The following FRMD3 variants were observed in gnomAD, a reference collection of about 807,000 sequenced individuals.
The protein encoded by FRMD3 is FERM domain-containing protein 3.
In FRMD3, 33 loss-of-function variants were observed where a neutral mutation model predicts 70.2. That is an observed-to-expected ratio of 0.47 (90% CI 0.36 to 0.63). FRMD3 has a LOEUF of 0.63. Among genes scored for constraint, FRMD3 ranks in the 20% least tolerant of loss-of-function variants. FRMD3 has a pLI of 0.00. For synonymous variants in FRMD3, 279 were observed against 255.9 expected (o/e 1.09, Z -0.86); for missense variants, 632 against 711.4 (o/e 0.89, Z 1.27).
intron 12 of FRMD3, among the ~76,000 whole-genome samples, chr9:83,297,189 T>C (rs1044631395): frequency 4.6e-5 from 7 of 152,232 alleles, no homozygotes; most frequent in Non-Finnish European, 1.0e-4. Flanking sequence ...AAAAAAAGTG[T>C]CCTGCTTTGT....
Position 83,538,064 on chromosome 9 carries a change from C to T in FRMD3, c.147+21G>A. 2 of 1,609,942 alleles carry T rather than the reference C, an allele frequency of 1.2e-6. No individual in the cohort carries two copies. The highest frequency in any genetic ancestry group is 1.7e-6 in the Non-Finnish European group (2 of 1,177,232). The stretch of plus-strand genomic sequence containing the variant: ...CTGCTCCCGGCGTGTGCCCCGCGCC[C>T]TCGCCCGGTTCCACGCGCACCTGGA... On this transcript the variant is annotated intron_variant, in intron 1 of 13. Coordinates refer to ENST00000304195, the MANE Select transcript of FRMD3 (RefSeq NM_174938.6). This position sits in a 1 kb window ranked among gnomAD's most constrained non-coding sequence, Gnocchi z 4.7.
Position 83,245,877 on chromosome 9 carries a change from AAAAT to A in FRMD3, c.*2037_*2040del. 2.0e-6 allele frequency: 2 copies of A among 984,960 alleles called. No individual in the cohort carries two copies. Among genetic ancestry groups the A allele is most frequent in the Non-Finnish European group, 1.2e-6 (1 of 829,510 alleles). The allele number at this position is 984,960 out of a possible 1,614,324, so 61.0% of individuals were successfully genotyped here. On this transcript the variant is annotated 3_prime_UTR_variant, in exon 14 of 14. Coordinates refer to ENST00000304195, the MANE Select transcript of FRMD3 (RefSeq NM_174938.6). Reference sequence around the variant, plus strand: ...CAAACCTAGCCATCTGCAAGCTTCCAAAATAAATTGTTGAGGATTCCAATCACAG... The same window carrying A: ...CAAACCTAGCCATCTGCAAGCTTCCAAAATTGTTGAGGATTCCAATCACAG...
chr9:83,455,579 C>A (rs1827795933), intron 1 of FRMD3, among the ~76,000 whole-genome samples: 1 of 152,080 alleles, frequency 6.6e-6, no homozygotes, highest in Non-Finnish European at 1.5e-5. Flanking sequence ...ACTATAAGCC[C>A]AATTAAACCT....
intron 1 of FRMD3, among the ~76,000 whole-genome samples, chr9:83,417,195 A>G (rs1826483170): frequency 6.6e-6 from 1 of 152,238 alleles, no homozygotes; most frequent in South Asian, 2.1e-4. Flanking sequence ...ACAGTAGGAT[A>G]TACATTTTAC....
chr9:83,341,777 G>A (rs1823766290), intron 5 of FRMD3, among the ~76,000 whole-genome samples: 1 of 152,098 alleles, frequency 6.6e-6, no homozygotes, highest in South Asian at 2.1e-4. Context: ...CCAGGGAAGG[G>A]GGTGAAGAAC....
intron 3 of FRMD3, 131 bp downstream of exon 3, chr9:83,372,780 GGA>G: frequency 1.3e-6 from 1 of 778,328 alleles, no homozygotes; most frequent in Non-Finnish European, 2.2e-6. Flanking sequence ...GCTCTCCTGG[GGA>G]GAGAGAAGCC....
At chr9:83,513,914 G>A (rs547025416) in intron 1 of FRMD3, among the ~76,000 whole-genome samples, 1 of 152,316 alleles carries the variant, frequency 6.6e-6, no homozygotes, top group South Asian at 2.1e-4. Flanking sequence ...GTGCCTTGAA[G>A]AATGGTGCAT....
intron 1 of FRMD3, among the ~76,000 whole-genome samples, chr9:83,502,295 G>A (rs1161705728): frequency 6.6e-6 from 1 of 152,190 alleles, no homozygotes; most frequent in East Asian, 1.9e-4. Context: ...CTGCCTTTTT[G>A]ATGGAGGGTA....
At chr9:83,581,890 T>C in the FRMD3 span, among the ~76,000 whole-genome samples, 6 of 152,044 alleles carry the variant, frequency 3.9e-5, no homozygotes, top group Non-Finnish European at 7.4e-5. Context: ...GGCAGAGTGG[T>C]TGGGGAGAAA....
intron 3 of FRMD3, among the ~76,000 whole-genome samples, chr9:83,371,990 A>G (rs1556149): frequency 0.38 from 58,433 of 152,068 alleles, 11,388 homozygotes; most frequent in Admixed American, 0.4. Context: ...GCCCAGAACA[A>G]TTTCTTCATA....
Position 83,538,251 on chromosome 9 carries a change from C to G in FRMD3, c.-20G>C. The stretch of plus-strand genomic sequence containing the variant: ...GAACATGCACCGCGGCCGTGGGGAG[C>G]GAGCGGGAGGCTCAGGGCCGGCGCG... On this transcript the variant is annotated 5_prime_UTR_variant, in exon 1 of 14. Coordinates refer to ENST00000304195, the MANE Select transcript of FRMD3 (RefSeq NM_174938.6). This position sits in a 1 kb window ranked among gnomAD's most constrained non-coding sequence, Gnocchi z 4.7. 6 of 1,546,878 alleles carry G rather than the reference C, an allele frequency of 3.9e-6. No individual in the cohort carries two copies. The highest frequency in any genetic ancestry group is 5.2e-6 in the Non-Finnish European group (6 of 1,145,558).
chr9:83,479,761 G>A (rs1828516443), intron 1 of FRMD3, among the ~76,000 whole-genome samples: 2 of 68,420 alleles, frequency 2.9e-5, no homozygotes, highest in African/African-American at 1.3e-4. Flanking sequence ...AGAAGAAGAA[G>A]GGAGGGAGGG....
At chr9:83,366,581 A>G (rs1376032999) in intron 3 of FRMD3, among the ~76,000 whole-genome samples, 3 of 152,130 alleles carry the variant, frequency 2.0e-5, no homozygotes, top group Non-Finnish European at 4.4e-5. Flanking sequence ...CTCAAAAAAC[A>G]AAAACAAAAA....
At chr9:83,336,225 G>A (rs1171734605) in intron 5 of FRMD3, among the ~76,000 whole-genome samples, 1 of 152,028 alleles carries the variant, frequency 6.6e-6, no homozygotes, top group Non-Finnish European at 1.5e-5. Flanking sequence ...AGTATATGAG[G>A]TAATGTATAT....
intron 1 of FRMD3, among the ~76,000 whole-genome samples, chr9:83,436,937 C>T (rs540661827): frequency 6.6e-5 from 10 of 152,248 alleles, no homozygotes; most frequent in East Asian, 5.8e-4. Flanking sequence ...GCTACAGATG[C>T]CCCTGAAATA....
At position 83,248,329 on chromosome 9, in the gene FRMD3, A is replaced by T. The variant is rs746683296; in HGVS notation, c.1383T>A (p.Asp461Glu). 6.2e-7 allele frequency: 1 copy of T among 1,614,160 alleles called. No homozygotes were observed. The highest frequency in any genetic ancestry group is 1.1e-5 in the South Asian group (1 of 91,078). The change falls in exon 14 of 14, where the codon GAT becomes GAA. Residue 461 changes from aspartate to glutamate, a missense_variant. Physicochemically the swap from Asp to Glu is conservative, Grantham distance 45. This residue lies in a region of FRMD3 where 418 missense variants were observed against 442.1 expected (regional missense o/e 0.95). Transcript: ENST00000304195. ...ASLLPTPVDD[D>E]EIDMLFDCPS... Reference sequence around the variant, plus strand: ...GACAGTCAAAGAGCATGTCAATCTCATCGTCATCCACAGGGGTGGGGAGCA... The same window carrying T: ...GACAGTCAAAGAGCATGTCAATCTCTTCGTCATCCACAGGGGTGGGGAGCA...
At chr9:83,576,500 T>C in the FRMD3 span, among the ~76,000 whole-genome samples, 22 of 152,274 alleles carry the variant, frequency 1.4e-4, no homozygotes, top group East Asian at 4.2e-3. Context: ...ACAGGTAAAC[T>C]TGTGTCATGG....
Position 83,343,079 on chromosome 9 carries a change from C to G in FRMD3, c.472+111G>C, listed in dbSNP as rs566731952. The G allele has an allele frequency of 2.0e-5, 16 of 781,062 alleles. No homozygotes were observed. In the East Asian group the frequency reaches 3.9e-4, roughly 19 times the overall value. 48.4% of individuals were successfully genotyped at this position (781,062 alleles called of 1,614,324 possible). ...TGCTACGTACCCAGCCCTACATGGT[C>G]TCCAGCCACAGACACAGGCAGGATG... On this transcript the variant is annotated intron_variant, in intron 5 of 13. Transcript: ENST00000304195.
intron 3 of FRMD3, among the ~76,000 whole-genome samples, chr9:83,365,670 A>AG (rs893157534): frequency 2.6e-5 from 4 of 152,190 alleles, no homozygotes; most frequent in African/African-American, 9.7e-5. Context: ...AGTGAGGTGT[A>AG]GGGGGCAAGA....
Sources: allele counts gnomAD v4.1 joint callset (sites outside exome capture counted in the v4.1 genomes callset), GRCh38; gene constraint gnomAD v4.1.1; regional missense constraint gnomAD v4.1.1; non-coding constraint Gnocchi (gnomAD v3.1); transcripts MANE v1.5; gene names NCBI Gene and HGNC (gene_info 2026-07-23, HGNC 2026-07-21).